MICAL2: variants seen among roughly 807,000 people sequenced by gnomAD.
MICAL2 encodes [F-actin]-monooxygenase MICAL2.
In MICAL2, 77 loss-of-function variants were observed where a neutral mutation model predicts 127.3. The ratio of observed to expected loss-of-function variants is 0.60; its 90% CI spans 0.50 to 0.73. The LOEUF is 0.73. Among genes scored for constraint, MICAL2 ranks in the 30% least tolerant of loss-of-function variants. The pLI, the probability that MICAL2 is intolerant of heterozygous loss-of-function variation, is 0.00. For synonymous variants in MICAL2, 570 were observed against 551.1 expected (o/e 1.03, Z -0.48); for missense variants, 1,351 against 1,434.4 (o/e 0.94, Z 0.94).
rs772228555 is a variant in MICAL2, at chr11:12,142,144, C to T, written c.-78+3684C>T. On this transcript the variant is annotated intron_variant, in intron 2 of 27. Coordinates refer to ENST00000683283, the MANE Select transcript of MICAL2 (RefSeq NM_001282663.2). ...CATGTGGGTTCAGCCACCGTGCCTTCCTCTTTTCTCCTCCACCCTGCACTT... is the reference window on the plus strand; with the variant it reads ...CATGTGGGTTCAGCCACCGTGCCTTTCTCTTTTCTCCTCCACCCTGCACTT... Among the ~76,000 whole-genome samples, 105 of 152,264 alleles carry T rather than the reference C, an allele frequency of 6.9e-4. 1 individual carries two copies. Among genetic ancestry groups the T allele is most frequent in the South Asian group, 1.2e-3 (6 of 4,816 alleles).
chr11:12,136,204 G>C (rs1373303896), intron 1 of MICAL2, among the ~76,000 whole-genome samples: 4 of 152,120 alleles, frequency 2.6e-5, no homozygotes, highest in Non-Finnish European at 1.5e-5. Flanking sequence ...CTGATGGCAA[G>C]TCCAAGGAGA....
chr11:12,242,409 C>G lies in MICAL2; in HGVS notation c.2533C>G (p.Gln845Glu). Residue 845 changes from glutamine to glutamate, a missense_variant, in exon 19 of 28, where the codon CAA becomes GAA. Gln to Glu is a conservative substitution (Grantham distance 29). Around this residue, in one of 2 missense-constraint regions of MICAL2, gnomAD observed 752 missense variants for 719.4 expected, o/e 1.05. Transcript: ENST00000683283. ...TTCCGGGGTGCTGTGGCGGCTGCAG[C>G]AAGTGGAGGAAAAGATTCTCCAGGT... ...ALSGVLWRLQ[Q>E]VEEKILQKRA... The G allele has an allele frequency of 6.2e-7, 1 of 1,607,796 alleles. No individual in the cohort carries two copies. The highest frequency in any genetic ancestry group is 1.1e-5 in the South Asian group (1 of 90,644).
chr11:12,239,888 C>G (rs1183506190), intron 17 of MICAL2, among the ~76,000 whole-genome samples: 1 of 152,244 alleles, frequency 6.6e-6, no homozygotes, highest in African/African-American at 2.4e-5. Context: ...AAAACAGGAG[C>G]AGGCCAGGTA....
chr11:12,324,576 C>A (rs994894183), intron 31 of MICAL2, among the ~76,000 whole-genome samples: 9 of 152,222 alleles, frequency 5.9e-5, no homozygotes, highest in Non-Finnish European at 5.9e-5. Flanking sequence ...TGCTCAGCCA[C>A]AACTCCATCA....
At chr11:12,260,263 C>A (rs1031801737) in intron 26 of MICAL2, 72 of 1,433,620 alleles carry the variant, frequency 5.0e-5, no homozygotes, top group Middle Eastern at 5.1e-4. Flanking sequence ...GGCCAGGAAG[C>A]CTAGCATTCT....
At chr11:12,256,200 A>G (rs896989316) in intron 23 of MICAL2, 1 of 164,324 alleles carries the variant, frequency 6.1e-6, no homozygotes. Flanking sequence ...TTAGTTGACC[A>G]TTCTTTCTGT....
rs752888583 is a variant in MICAL2 at position 12,259,800 on chromosome 11, G to A, written c.3237G>A (p.Glu1079=). ...RAELKQQREE[E]ATWQEQEAPR... ...CATTTCCATCTCTTTCTCAGGAGGA[G>A]GCAACATGGCAAGAGCAGGAAGCCC... Residue 1079 remains glutamate (E), a synonymous_variant, in exon 26 of 28, where the codon GAG becomes GAA. Coordinates refer to ENST00000683283, the MANE Select transcript of MICAL2 (RefSeq NM_001282663.2). 2.6e-6 allele frequency: 4 copies of A among 1,541,218 alleles called. No homozygotes were observed. Among genetic ancestry groups the A allele is most frequent in the South Asian group, 2.5e-5 (2 of 79,600 alleles).
intron 7 of MICAL2, among the ~76,000 whole-genome samples, chr11:12,214,059 A>C (rs916432543): frequency 6.6e-6 from 1 of 152,206 alleles, no homozygotes; most frequent in African/African-American, 2.4e-5. Flanking sequence ...GAGCAAAACA[A>C]AATCCGTCCC....
At position 12,256,877 on chromosome 11, in the gene MICAL2, C is replaced by T. The variant is rs147993157; in HGVS notation, c.3048C>T (p.Ser1016=). 256 of 1,614,192 alleles carry T rather than the reference C, an allele frequency of 1.6e-4. No individual in the cohort carries two copies. The highest frequency in any genetic ancestry group is 9.2e-4 in the South Asian group (84 of 91,084). ...GTGTGTACGTGATGGAACGGCTGAG[C>T]GCCGAGGGCCACTTCTTCCACCGGG... The part of the protein sequence containing the change: ...KKRVYVMERL[S]AEGHFFHREC... Residue 1016 remains serine, a synonymous_variant, in exon 24 of 28, where the codon AGC becomes AGT. Transcript: ENST00000683283.
chr11:12,172,067 G>A (rs1490209161), intron 3 of MICAL2, among the ~76,000 whole-genome samples: 3 of 152,174 alleles, frequency 2.0e-5, no homozygotes, highest in East Asian at 1.9e-4. Context: ...AAATTGGACT[G>A]TGCAGTTTTC....
chr11:12,202,149 G>A (rs1854102709), intron 3 of MICAL2, among the ~76,000 whole-genome samples: 1 of 151,908 alleles, frequency 6.6e-6, no homozygotes, highest in Admixed American at 6.6e-5. Flanking sequence ...TTTACCATTT[G>A]GCTGCAGACC....
chr11:12,208,957 G>A (rs564901064), intron 5 of MICAL2, among the ~76,000 whole-genome samples: 1 of 152,232 alleles, frequency 6.6e-6, no homozygotes, highest in East Asian at 1.9e-4. Context: ...CAGAGACTGT[G>A]TACTCTTAAC....
At position 12,204,365 on chromosome 11, in the gene MICAL2, T is replaced by TA. The variant is rs1565156631; in HGVS notation, c.381dup (p.His128ThrfsTer9). 6.2e-7 allele frequency: 1 copy of TA among 1,612,494 alleles called. No individual in the cohort carries two copies. The highest frequency in any genetic ancestry group is 8.5e-7 in the Non-Finnish European group (1 of 1,178,912). On this transcript the variant is annotated frameshift_variant, in exon 4 of 28. Transcript: ENST00000683283. LOFTEE classifies it high-confidence loss of function. ...GACTCCTTCTCCCGGAACAACGTGC[T>TA]ACACCTCTGGCCTTTCACCATCCAT... is the stretch of plus-strand genomic sequence containing the variant.
intron 4 of MICAL2, among the ~76,000 whole-genome samples, chr11:12,206,024 T>C (rs1854637286): frequency 6.6e-6 from 1 of 152,226 alleles, no homozygotes; most frequent in Non-Finnish European, 1.5e-5. Context: ...ATTTACCAGC[T>C]GTGCCCCCAG....
At chr11:12,185,155 GTGT>G (rs1858038348) in intron 3 of MICAL2, among the ~76,000 whole-genome samples, 1 of 87,372 alleles carries the variant, frequency 1.1e-5, no homozygotes, top group Non-Finnish European at 2.5e-5. Context: ...ATGGGTGGGT[GTGT>G]GGATGAATGG....
chr11:12,286,010 T>C (rs972268172), intron 2 of MICAL2, among the ~76,000 whole-genome samples: 16 of 152,210 alleles, frequency 1.1e-4, no homozygotes, highest in Non-Finnish European at 2.1e-4. Context: ...TGGGAATGCA[T>C]CTGCAGGCCT....
chr11:12,279,313 G>A (rs1863749142), intron 1 of MICAL2, among the ~76,000 whole-genome samples: 2 of 152,180 alleles, frequency 1.3e-5, no homozygotes, highest in South Asian at 4.1e-4. Flanking sequence ...TCGGTGGAGT[G>A]AACGAGTAGA....
intron 32 of MICAL2, among the ~76,000 whole-genome samples, chr11:12,341,608 C>G (rs1292460386): frequency 1.3e-5 from 2 of 152,086 alleles, no homozygotes; most frequent in African/African-American, 4.8e-5. Context: ...AGGCAGATTA[C>G]CTAAGGTCAG....
intron 32 of MICAL2, among the ~76,000 whole-genome samples, chr11:12,343,744 A>T: frequency 6.6e-6 from 1 of 152,224 alleles, no homozygotes; most frequent in Non-Finnish European, 1.5e-5. Context: ...GGATAGGCCC[A>T]GTGCATGTGG....
Sources: allele counts gnomAD v4.1 joint callset (sites outside exome capture counted in the v4.1 genomes callset), GRCh38; gene constraint gnomAD v4.1.1; regional missense constraint gnomAD v4.1.1; transcripts MANE v1.5; gene names NCBI Gene and HGNC (gene_info 2026-07-23, HGNC 2026-07-21).